The following ARAP3 variants were observed in gnomAD, a reference collection of about 807,000 sequenced individuals.
ARAP3 encodes the protein arf-GAP with Rho-GAP domain, ANK repeat and PH domain-containing protein 3.
A neutral mutation model predicts 169.2 loss-of-function variants in ARAP3; 82 were observed. The observed-to-expected ratio is 0.48, with a 90% confidence interval of 0.41 to 0.58. ARAP3 has a LOEUF of 0.58. ARAP3 is among the 20% of genes least tolerant of loss of function. The pLI, the probability that ARAP3 is intolerant of heterozygous loss-of-function variation, is 0.00. For synonymous variants in ARAP3, 791 were observed against 800.3 expected (o/e 0.99, Z 0.20); for missense variants, 1,764 against 2,018.0 (o/e 0.87, Z 2.41).
intron 4 of ARAP3, among the ~76,000 whole-genome samples, chr5:141,674,565 G>T (rs946659265): frequency 5.9e-5 from 9 of 152,202 alleles, no homozygotes; most frequent in Admixed American, 5.9e-4. Context: ...GCCTGGATCT[G>T]CTTTTCAAAC....
Position 141,653,903 on chromosome 5 carries a change from T to G in ARAP3, c.*47A>C. 2 of 1,502,224 alleles carry G rather than the reference T, an allele frequency of 1.3e-6. No individual in the cohort carries two copies. The highest frequency in any genetic ancestry group is 2.3e-5 in the Admixed American group (1 of 42,724). The allele number at this position is 1,502,224 out of a possible 1,614,324, so 93.1% of individuals were successfully genotyped here. On this transcript the variant is annotated 3_prime_UTR_variant, in exon 33 of 33. Coordinates refer to ENST00000239440, the MANE Select transcript of ARAP3 (RefSeq NM_022481.6). ...AGCTGCAACAGTGCCACGATAAGAG[T>G]TTCTGGGTCTTCTGGTACCTACCCT...
rs1485035370 is a variant in ARAP3 at position 141,659,823 on chromosome 5, G to A, written c.3223C>T (p.Arg1075Ter). 2 of 1,611,872 alleles carry A rather than the reference G, an allele frequency of 1.2e-6. No individual in the cohort carries two copies. The highest frequency in any genetic ancestry group is 1.1e-5 in the South Asian group (1 of 90,344). Residue 1075 changes from arginine to a stop codon, truncating the protein, a stop_gained, in exon 22 of 33, where the codon CGA (arginine) becomes TGA (stop). Transcript: ENST00000239440. LOFTEE classifies it high-confidence loss of function. ...QTDGRGEHEV[R>*]VLQELIDGYI... is the part of the protein sequence containing the mutation. ...CCATCAATGAGCTCTTGCAGCACTCGCACCTCGTGCTCCCCTCGCCCATCC... is the reference window on the plus strand; with the variant it reads ...CCATCAATGAGCTCTTGCAGCACTCACACCTCGTGCTCCCCTCGCCCATCC...
Position 141,666,594 on chromosome 5 carries a change from C to T in ARAP3, c.2402G>A (p.Arg801Gln), listed in dbSNP as rs1004812678. The T allele has an allele frequency of 8.0e-6, 12 of 1,508,622 alleles. No individual in the cohort carries two copies. The highest frequency in any genetic ancestry group is 1.1e-5 in the Non-Finnish European group (12 of 1,126,118). The allele number at this position is 1,508,622 out of a possible 1,614,324, so 93.5% of individuals were successfully genotyped here. The change falls in exon 17 of 33, where the codon CGG becomes CAG. Residue 801 changes from arginine (R) to glutamine (Q), a missense_variant. Around this residue, in one of 3 missense-constraint regions of ARAP3, gnomAD observed 1,112 missense variants for 1,285.7 expected, o/e 0.86. Coordinates refer to ENST00000239440, the MANE Select transcript of ARAP3 (RefSeq NM_022481.6). Reference sequence around the variant, plus strand: ...GGACCGCAGCCATAGGCGGCCCAGCCGCAGCAGCCCGGGGCCCAGCAGCTG... The same window carrying T: ...GGACCGCAGCCATAGGCGGCCCAGCTGCAGCAGCCCGGGGCCCAGCAGCTG... Reference protein sequence around the residue: ...CHQLLGPGLLRLGRLWLRSPS... With the variant: ...CHQLLGPGLLQLGRLWLRSPS...
chr5:141,659,882 A>G lies in ARAP3; in HGVS notation c.3164T>C (p.Leu1055Ser). ...CACGCTGGGTGCAAACAGCAGAGCC[A>G]AGTTCCGCGTGCACATCTGGTTTAG... ...AALNQMCTRN[L>S]ALLFAPSVFQ... Residue 1055 changes from leucine (L) to serine (S), a missense_variant, in exon 22 of 33, where the codon TTG becomes TCG. Leu to Ser is a moderately radical substitution (Grantham distance 145). Coordinates refer to ENST00000239440, the MANE Select transcript of ARAP3 (RefSeq NM_022481.6). 1 of 1,590,126 alleles carries G rather than the reference A, an allele frequency of 6.3e-7. No homozygotes were observed. Among genetic ancestry groups the G allele is most frequent in the South Asian group, 1.1e-5 (1 of 87,264 alleles).
At chr5:141,659,958 T>C in intron 21 of ARAP3, 32 bp from the exon 22 acceptor site, 1 of 1,530,176 alleles carries the variant, frequency 6.5e-7, no homozygotes, top group Non-Finnish European at 8.9e-7. Context: ...TTCATCAGTG[T>C]AGCCACTCAT....
intron 16 of ARAP3, among the ~76,000 whole-genome samples, chr5:141,668,918 G>A (rs1302308767): frequency 1.3e-5 from 2 of 152,176 alleles, no homozygotes; most frequent in African/African-American, 4.8e-5. Flanking sequence ...ACTTTCTGAC[G>A]CATTGTCAGG....
chr5:141,657,319 A>G (rs1156631590), intron 25 of ARAP3, among the ~76,000 whole-genome samples: 1 of 152,240 alleles, frequency 6.6e-6, no homozygotes, highest in African/African-American at 2.4e-5. Context: ...CAGCCAATGT[A>G]GCTACAGCAA....
chr5:141,656,305 G>A (rs1055378232), intron 27 of ARAP3, 29 bp from the exon 28 acceptor site: 1 of 1,612,580 alleles, frequency 6.2e-7, no homozygotes, highest in Non-Finnish European at 8.5e-7. Flanking sequence ...TCAGCGAGAT[G>A]GAGAGATGAG....
At chr5:141,666,849 A>AAATTC (rs1164416343) in intron 16 of ARAP3, 2 of 415,328 alleles carry the variant, frequency 4.8e-6, no homozygotes, top group African/African-American at 2.1e-5. Context: ...GACAGGAAAG[A>AAATTC]AATTCAATTC....
At position 141,672,920 on chromosome 5, in the gene ARAP3, G is replaced by A. The variant is rs2099911641; in HGVS notation, c.1099C>T (p.Arg367Trp). The A allele has an allele frequency of 6.2e-7, 1 of 1,610,742 alleles. No homozygotes were observed. Residue 367 changes from arginine to tryptophan, a missense_variant, in exon 8 of 33, where the codon CGG (arginine) becomes TGG (tryptophan). By Grantham distance (101) the Arg-to-Trp change is moderately radical. Transcript: ENST00000239440. This position sits in a 1 kb window ranked among gnomAD's most constrained non-coding sequence, Gnocchi z 4.9. ...FVFRTESEAQ[R>W]DMWCSTLQSC... ...TGCAGCGTGGAGCACCACATGTCCC[G>A]CTGAGCTGGTGGGGATGGAGAAGCA...
chr5:141,661,681 G>T lies in ARAP3; in HGVS notation c.3119+3C>A. ...GTTCTGCAGAGGGTCTAGCCATACTGACCGATAGAGATGCCCAATGAGGGT... is the reference window on the plus strand; with the variant it reads ...GTTCTGCAGAGGGTCTAGCCATACTTACCGATAGAGATGCCCAATGAGGGT... On this transcript the variant is annotated splice_donor_region_variant and intron_variant, in intron 21 of 32. Coordinates refer to ENST00000239440, the MANE Select transcript of ARAP3 (RefSeq NM_022481.6). 1.2e-6 allele frequency: 2 copies of T among 1,613,994 alleles called. No individual in the cohort carries two copies. Among genetic ancestry groups the T allele is most frequent in the South Asian group, 2.2e-5 (2 of 91,018 alleles).
intron 16 of ARAP3, among the ~76,000 whole-genome samples, chr5:141,668,501 C>T (rs1318861882): frequency 6.6e-6 from 1 of 152,198 alleles, no homozygotes; most frequent in African/African-American, 2.4e-5. Flanking sequence ...CTGTCATGGA[C>T]CATAACACAT....
intron 21 of ARAP3, among the ~76,000 whole-genome samples, chr5:141,660,308 C>A (rs941533453): frequency 6.6e-6 from 1 of 151,744 alleles, no homozygotes. Context: ...CTGGCTAACA[C>A]GGTGAAACCC....
Position 141,671,726 on chromosome 5 carries a change from A to T in ARAP3, c.1698T>A (p.Arg566=). The T allele has an allele frequency of 1.2e-6, 2 of 1,605,068 alleles. No individual in the cohort carries two copies. The highest frequency in any genetic ancestry group is 1.7e-6 in the Non-Finnish European group (2 of 1,175,366). The change falls in exon 12 of 33, where the codon CGT becomes CGA. Residue 566 remains arginine (R), a synonymous_variant. Coordinates refer to ENST00000239440, the MANE Select transcript of ARAP3 (RefSeq NM_022481.6). This position sits in a 1 kb window ranked among gnomAD's most constrained non-coding sequence, Gnocchi z 4.9. Reference sequence around the variant, plus strand: ...GGGTCCCTGCCCAGAAGCGGTTGGCACGATCATTTCCCAGGACAATGAATA... The same window carrying T: ...GGGTCCCTGCCCAGAAGCGGTTGGCTCGATCATTTCCCAGGACAATGAATA... ...VQLFIVLGND[R]ANRFWAGTLP...
chr5:141,661,652 A>T (rs747912722), intron 21 of ARAP3, 32 bp downstream of exon 21: 34 of 1,575,206 alleles, frequency 2.2e-5, no homozygotes, highest in Non-Finnish European at 2.9e-5. Flanking sequence ...TGAAGTGAGG[A>T]AGGGTTCTGC....
chr5:141,669,889 G>A (rs968053835), intron 15 of ARAP3, 33 bp downstream of exon 15: 1 of 1,609,170 alleles, frequency 6.2e-7, no homozygotes, highest in Non-Finnish European at 8.5e-7. Context: ...AAGAGAAAAG[G>A]GGGAAGCTCA....
chr5:141,657,063 C>CA (rs1284336941), intron 25 of ARAP3, among the ~76,000 whole-genome samples: 2 of 152,000 alleles, frequency 1.3e-5, no homozygotes, highest in African/African-American at 2.4e-5. Flanking sequence ...AGGGTACAGA[C>CA]AAAAAAATAA....
At position 141,673,323 on chromosome 5, in the gene ARAP3, T is replaced by C. The variant is rs2099911699; in HGVS notation, c.972+78A>G. 4 of 1,581,712 alleles carry C rather than the reference T, an allele frequency of 2.5e-6. No individual in the cohort carries two copies. The South Asian group carries it at 4.5e-5, about 18-fold the overall frequency. ...GCCCCGCCCACACACACAATGGACTTCCCTCCTTCCAATTCTGAGCCCCTC... is the reference window on the plus strand; with the variant it reads ...GCCCCGCCCACACACACAATGGACTCCCCTCCTTCCAATTCTGAGCCCCTC... On this transcript the variant is annotated intron_variant, in intron 6 of 32. Transcript: ENST00000239440.
rs575793149 is a variant in ARAP3, at chr5:141,654,468, A to G, written c.4150-33T>C. The G allele has an allele frequency of 1.7e-4, 263 of 1,523,320 alleles. 2 individuals are homozygous for G. In the South Asian group the frequency reaches 3.2e-3, roughly 19 times the overall value. The allele number at this position is 1,523,320 out of a possible 1,614,324, so 94.4% of individuals were successfully genotyped here. On this transcript the variant is annotated intron_variant, in intron 32 of 32. Transcript: ENST00000239440. Reference sequence around the variant, plus strand: ...GGAATGGAATGGCAGGAGTGGGCACATAGTTAAAGTTACCAGATTATGAAT... The same window carrying G: ...GGAATGGAATGGCAGGAGTGGGCACGTAGTTAAAGTTACCAGATTATGAAT...
Sources: allele counts gnomAD v4.1 joint callset (sites outside exome capture counted in the v4.1 genomes callset), GRCh38; gene constraint gnomAD v4.1.1; regional missense constraint gnomAD v4.1.1; non-coding constraint Gnocchi (gnomAD v3.1); transcripts MANE v1.5; gene names NCBI Gene and HGNC (gene_info 2026-07-23, HGNC 2026-07-21).